PMFBP1: variants seen among roughly 807,000 people sequenced by gnomAD.
The protein encoded by PMFBP1 is polyamine modulated factor 1 binding protein 1, also known as polyamine-modulated factor 1-binding protein 1.
In PMFBP1, 131 loss-of-function variants were observed where a neutral mutation model predicts 137.8. The observed-to-expected ratio is 0.95, with a 90% confidence interval of 0.82 to 1.10. PMFBP1 has a LOEUF of 1.10. PMFBP1 is among the 50% of genes least tolerant of loss of function. The pLI, the probability that PMFBP1 is intolerant of heterozygous loss-of-function variation, is 0.00. For missense variants in PMFBP1, 1,199 were observed against 1,175.4 expected, an observed-to-expected ratio of 1.02 and a Z score of -0.29; for synonymous variants, 490 against 450.4, an observed-to-expected ratio of 1.09 and a Z score of -1.11.
chr16:72,200,490 C>T, the PMFBP1 span, among the ~76,000 whole-genome samples: 19 of 152,204 alleles, frequency 1.2e-4, no homozygotes, highest in Non-Finnish European at 2.5e-4. Flanking sequence ...GTGTGGCCTT[C>T]TGGAACATTC....
the PMFBP1 span, among the ~76,000 whole-genome samples, chr16:72,190,080 C>T: frequency 5.9e-5 from 9 of 152,092 alleles, no homozygotes; most frequent in Admixed American, 1.3e-4. Context: ...TAGCAGCAAT[C>T]GGGGAAGTCA....
upstream of PMFBP1, among the ~76,000 whole-genome samples, chr16:72,173,511 A>G (rs1291078047): frequency 1.3e-5 from 2 of 152,252 alleles, no homozygotes; most frequent in East Asian, 3.8e-4. Context: ...TAACATTTGC[A>G]TGAAAATATA....
chr16:72,235,816 T>C, the PMFBP1 span, among the ~76,000 whole-genome samples: 42 of 152,168 alleles, frequency 2.8e-4, no homozygotes, highest in Non-Finnish European at 4.7e-4. Context: ...AGAAATACAA[T>C]TGATTTTTTG....
upstream of PMFBP1, among the ~76,000 whole-genome samples, chr16:72,174,579 G>T (rs1480096318): frequency 6.6e-6 from 1 of 152,108 alleles, no homozygotes; most frequent in Non-Finnish European, 1.5e-5. Flanking sequence ...ATTGTTATAT[G>T]GAAATACCCG....
chr16:72,241,914 T>C, the PMFBP1 span, among the ~76,000 whole-genome samples: 1 of 152,232 alleles, frequency 6.6e-6, no homozygotes, highest in Non-Finnish European at 1.5e-5. Flanking sequence ...TTCATTATCA[T>C]AGAAGTTATT....
the PMFBP1 span, among the ~76,000 whole-genome samples, chr16:72,214,966 A>G: frequency 1.3e-5 from 2 of 152,234 alleles, no homozygotes; most frequent in African/African-American, 4.8e-5. Context: ...TTCCAGAAAT[A>G]AAAATCAGTC....
At chr16:72,141,424 T>C (rs2042720588) in intron 5 of PMFBP1, among the ~76,000 whole-genome samples, 1 of 152,224 alleles carries the variant, frequency 6.6e-6, no homozygotes, top group South Asian at 2.1e-4. Flanking sequence ...GATCTGAATT[T>C]TTCTTTGACC....
chr16:72,181,254 T>A (rs938526287), upstream of PMFBP1, among the ~76,000 whole-genome samples: 27 of 150,716 alleles, frequency 1.8e-4, no homozygotes, highest in African/African-American at 5.3e-4. Context: ...AAAAAAATAA[T>A]AATAATAATA....
At chr16:72,155,326 A>T (rs1000674478) in intron 3 of PMFBP1, among the ~76,000 whole-genome samples, 1 of 152,126 alleles carries the variant, frequency 6.6e-6, no homozygotes, top group African/African-American at 2.4e-5. Context: ...TTATCCTCCT[A>T]CACATTCTTT....
chr16:72,235,276 T>A, the PMFBP1 span, among the ~76,000 whole-genome samples: 33 of 152,176 alleles, frequency 2.2e-4, no homozygotes, highest in Non-Finnish European at 4.3e-4. Context: ...ATCAGACTAT[T>A]CTTTCCTCAT....
upstream of PMFBP1, among the ~76,000 whole-genome samples, chr16:72,175,400 T>C (rs532392107): frequency 3.7e-4 from 57 of 152,312 alleles, no homozygotes; most frequent in Non-Finnish European, 6.8e-4. Flanking sequence ...CAGTTAGTAC[T>C]TCACATACCA....
chr16:72,184,005 C>T, the PMFBP1 span, among the ~76,000 whole-genome samples: 1 of 152,144 alleles, frequency 6.6e-6, no homozygotes, highest in East Asian at 1.9e-4. Flanking sequence ...TCAGTGGCTA[C>T]CTCTAGAAAT....
intron 9 of PMFBP1, among the ~76,000 whole-genome samples, chr16:72,134,610 T>C (rs966953107): frequency 7.9e-5 from 12 of 152,234 alleles, no homozygotes; most frequent in Non-Finnish European, 1.8e-4. Flanking sequence ...CTAGGCTACC[T>C]GTCTGACCTC....
In PMFBP1 at chr16:72,154,429, C is replaced by G; in HGVS notation, c.196G>C (p.Glu66Gln). Residue 66 changes from glutamate (E) to glutamine (Q), a missense_variant, in exon 4 of 21, where the codon GAG becomes CAG. Transcript: ENST00000237353. ...GACCCAAATTCCACCTCTGACTCCT[C>G]GAATGCTAATGCCTGTGCTTGCTTC... ...DKKQAQALAF[E>Q]ESEVEFGSSK... is the part of the protein sequence containing the mutation. 2 of 1,614,136 alleles carry G rather than the reference C, an allele frequency of 1.2e-6. No individual in the cohort carries two copies. The highest frequency in any genetic ancestry group is 1.7e-6 in the Non-Finnish European group (2 of 1,179,992).
the PMFBP1 span, among the ~76,000 whole-genome samples, chr16:72,233,634 T>C: frequency 2.0e-5 from 3 of 152,186 alleles, no homozygotes; most frequent in East Asian, 3.8e-4. Context: ...TTGTGGTACA[T>C]GTACACAACG....
At chr16:72,214,200 GT>G in the PMFBP1 span, among the ~76,000 whole-genome samples, 39 of 147,204 alleles carry the variant, frequency 2.6e-4, no homozygotes, top group Admixed American at 3.4e-4. Context: ...TTCATTATAA[GT>G]TTTTTTTTTT....
the PMFBP1 span, among the ~76,000 whole-genome samples, chr16:72,228,304 A>T: frequency 6.6e-6 from 1 of 152,130 alleles, no homozygotes; most frequent in African/African-American, 2.4e-5. Context: ...ATCGTGTACG[A>T]TACCTCCAAA....
chr16:72,204,852 C>T, the PMFBP1 span, among the ~76,000 whole-genome samples: 10 of 152,152 alleles, frequency 6.6e-5, no homozygotes, highest in Admixed American at 2.6e-4. Flanking sequence ...GCCCTAGCCA[C>T]GGGTGACTAT....
rs185701896 is a variant in PMFBP1 at position 72,140,314 on chromosome 16, C to T, written c.807+98G>A. 630 of 1,275,136 alleles carry T rather than the reference C, an allele frequency of 4.9e-4. No homozygotes were observed. The African/African-American group carries it at 7.5e-3, about 15-fold the overall frequency. 79.0% of individuals were successfully genotyped at this position (1,275,136 alleles called of 1,614,324 possible). On this transcript the variant is annotated intron_variant, in intron 6 of 20. Transcript: ENST00000237353. ...ATATCAGACATTTGAGGATTCTCGG[C>T]GAAAAAGATTAATTTAGGTGACTCT...
Sources: gnomAD v4.1 joint callset for allele counts (sites outside exome capture counted in the v4.1 genomes callset) on GRCh38, gnomAD v4.1.1 for gene constraint, MANE v1.5 for transcripts, NCBI Gene and HGNC (gene_info 2026-07-23, HGNC 2026-07-21) for gene names.